The following SEMA3D variants were observed in gnomAD, a reference collection of about 807,000 sequenced individuals.
SEMA3D encodes the protein semaphorin 3D.
SEMA3D carries 84 observed loss-of-function variants against 100.1 expected under a neutral mutation model. That is an observed-to-expected ratio of 0.84 (90% CI 0.70 to 1.01). SEMA3D has a LOEUF of 1.01. Among genes scored for constraint, SEMA3D ranks in the 50% least tolerant of loss-of-function variants. The pLI is 0.00. For missense variants in SEMA3D, 875 were observed against 934.1 expected, an observed-to-expected ratio of 0.94 and a Z score of 0.82; for synonymous variants, 312 against 320.7, an observed-to-expected ratio of 0.97 and a Z score of 0.29.
intron 3 of SEMA3D, among the ~76,000 whole-genome samples, chr7:85,099,721 T>C (rs2116322197): frequency 6.6e-6 from 1 of 152,048 alleles, no homozygotes; most frequent in Admixed American, 6.6e-5. Flanking sequence ...TTTTGGCCAT[T>C]CCAATAGGTG....
intron 7 of SEMA3D, among the ~76,000 whole-genome samples, chr7:85,067,160 G>T (rs1475882870): frequency 1.3e-5 from 2 of 152,132 alleles, no homozygotes; most frequent in Non-Finnish European, 2.9e-5. Context: ...TGAATGTTTT[G>T]TTAGGAAAAA....
intron 9 of SEMA3D, 133 bp downstream of exon 9, chr7:85,055,584 T>C (rs549933711): frequency 3.0e-4 from 58 of 191,526 alleles, no homozygotes; most frequent in African/African-American, 1.1e-3. Flanking sequence ...GTATGAATCA[T>C]ACCATTTATG....
chr7:85,050,110 CACACACACACAG>C (rs1345277619), intron 9 of SEMA3D, among the ~76,000 whole-genome samples: 3 of 148,624 alleles, frequency 2.0e-5, no homozygotes, highest in African/African-American at 7.7e-5. Context: ...CACACACACA[CACACACACACAG>C]AGACAGAGTA....
At chr7:85,107,276 T>C (rs1788955309) in intron 3 of SEMA3D, among the ~76,000 whole-genome samples, 1 of 152,100 alleles carries the variant, frequency 6.6e-6, no homozygotes, top group South Asian at 2.1e-4. Flanking sequence ...GACTTTTCTC[T>C]AGGTTTTCTC....
chr7:85,245,924 A>T, the SEMA3D span, among the ~76,000 whole-genome samples: 3 of 152,138 alleles, frequency 2.0e-5, no homozygotes, highest in East Asian at 3.8e-4. Context: ...AGAATAAAAG[A>T]TAAACAAGTA....
chr7:85,178,248 G>A (rs1241034152), intron 1 of SEMA3D, among the ~76,000 whole-genome samples: 1 of 152,192 alleles, frequency 6.6e-6, no homozygotes, highest in African/African-American at 2.4e-5. Context: ...GGATAGTGTG[G>A]TGCTGCTGTA....
At chr7:85,108,550 A>T (rs561570806) in intron 3 of SEMA3D, among the ~76,000 whole-genome samples, 2 of 152,160 alleles carry the variant, frequency 1.3e-5, no homozygotes, top group South Asian at 4.1e-4. Flanking sequence ...TATGTCTGAG[A>T]TTCTGCATTT....
chr7:85,179,517 T>C lies in SEMA3D; in HGVS notation c.-173+7161A>G, dbSNP rs28829099. Among the ~76,000 whole-genome samples the C allele has an allele frequency of 5.6e-3, 847 of 152,350 alleles. 10 individuals carry two copies. Among genetic ancestry groups the C allele is most frequent in the African/African-American group, 0.018 (764 of 41,576 alleles). ...GCATGGGGCCTGTAGCTTCTTCGTT[T>C]TGGCCAATTTCCCCTTTTGGAATGG... On this transcript the variant is annotated intron_variant, in intron 1 of 18. Coordinates refer to ENST00000284136, the MANE Select transcript of SEMA3D (RefSeq NM_001384900.1).
Position 85,075,596 on chromosome 7 carries a change from C to T in SEMA3D, c.376-2515G>A, listed in dbSNP as rs535710179. ...AATTCCTCCCTTCTGTCTGATTGGG[C>T]TGACATGGAATAAAAAAAAAGTATG... On this transcript the variant is annotated intron_variant, in intron 5 of 18. Transcript: ENST00000284136. 4.6e-5 allele frequency among the ~76,000 whole-genome samples: 7 copies of T among 152,100 alleles called. No individual in the cohort carries two copies. In the East Asian group the frequency reaches 1.4e-3, roughly 29 times the overall value.
chr7:85,212,413 G>C, the SEMA3D span, among the ~76,000 whole-genome samples: 1 of 152,100 alleles, frequency 6.6e-6, no homozygotes, highest in Non-Finnish European at 1.5e-5. Context: ...TTCAGCCTTA[G>C]AATAGCAATG....
intron 8 of SEMA3D, among the ~76,000 whole-genome samples, chr7:85,062,815 G>T (rs759081241): frequency 2.0e-5 from 3 of 152,078 alleles, no homozygotes; most frequent in Admixed American, 6.5e-5. Context: ...TACAGGAAAA[G>T]GTTGGAAATA....
chr7:85,085,625 TAC>T (rs1788192890), intron 4 of SEMA3D, among the ~76,000 whole-genome samples: 1 of 152,144 alleles, frequency 6.6e-6, no homozygotes, highest in African/African-American at 2.4e-5. Context: ...GGATGGGAGA[TAC>T]AGAGTGACAA....
At chr7:85,198,942 A>G in the SEMA3D span, among the ~76,000 whole-genome samples, 1 of 150,344 alleles carries the variant, frequency 6.7e-6, no homozygotes, top group South Asian at 2.1e-4. Flanking sequence ...ATAGCCATAC[A>G]TTTTCTTACG....
chr7:85,009,065 G>A (rs1789880197), intron 17 of SEMA3D, among the ~76,000 whole-genome samples: 1 of 151,696 alleles, frequency 6.6e-6, no homozygotes, highest in African/African-American at 2.4e-5. Context: ...TATTCAACTT[G>A]TTTTGTTCTA....
intron 1 of SEMA3D, among the ~76,000 whole-genome samples, chr7:85,163,362 A>T (rs1290002334): frequency 1.3e-5 from 2 of 152,116 alleles, no homozygotes; most frequent in African/African-American, 4.8e-5. Context: ...TAAAGCAAAG[A>T]ATACAGTGCT....
chr7:85,196,895 T>C, the SEMA3D span, among the ~76,000 whole-genome samples: 24 of 152,278 alleles, frequency 1.6e-4, no homozygotes, highest in East Asian at 4.4e-3. Context: ...TGGAAATATT[T>C]GTAAAACCAC....
Position 85,061,812 on chromosome 7 carries a change from C to T in SEMA3D, c.718+3612G>A, listed in dbSNP as rs117506199. 9.4e-3 allele frequency among the ~76,000 whole-genome samples: 1,433 copies of T among 152,314 alleles called. 12 individuals carry two copies. Among genetic ancestry groups the T allele is most frequent in the Non-Finnish European group, 0.016 (1,095 of 68,018 alleles). On this transcript the variant is annotated intron_variant, in intron 8 of 18. Transcript: ENST00000284136. ...GAATCTCCTGAAGCATTGTGCTCTT[C>T]TAGCTCTGGCCTGCCTTTCCCTCAG... is the stretch of plus-strand genomic sequence containing the variant.
intron 12 of SEMA3D, among the ~76,000 whole-genome samples, chr7:85,032,417 G>A (rs1200144480): frequency 6.6e-6 from 1 of 151,998 alleles, no homozygotes; most frequent in African/African-American, 2.4e-5. Flanking sequence ...AAGAAGCAAT[G>A]AAGTAAAAGG....
At chr7:85,116,240 CTATA>C (rs1424954083) in intron 3 of SEMA3D, among the ~76,000 whole-genome samples, 1 of 145,608 alleles carries the variant, frequency 6.9e-6, no homozygotes, top group East Asian at 2.0e-4. Context: ...ATGTACATAC[CTATA>C]TAAATTGTAT....
Sources: allele counts gnomAD v4.1 joint callset (sites outside exome capture counted in the v4.1 genomes callset), GRCh38; gene constraint gnomAD v4.1.1; transcripts MANE v1.5; gene names NCBI Gene and HGNC (gene_info 2026-07-23, HGNC 2026-07-21).